Variants in OSBPL8 observed in about 807,000 individuals in gnomAD.
The protein encoded by OSBPL8 is oxysterol binding protein like 8.
OSBPL8 carries 59 observed loss-of-function variants against 125.5 expected under a neutral mutation model. That is an observed-to-expected ratio of 0.47 (90% CI 0.38 to 0.58). The LOEUF is 0.58. Among genes scored for constraint, OSBPL8 ranks in the 20% least tolerant of loss-of-function variants. OSBPL8 has a pLI of 0.00. For synonymous variants in OSBPL8, 330 were observed against 338.9 expected (o/e 0.97, Z 0.29); for missense variants, 758 against 1,047.8 (o/e 0.72, Z 3.82).
At chr12:76,459,257 A>G (rs774931139) in intron 3 of OSBPL8, among the ~76,000 whole-genome samples, 43 of 152,164 alleles carry the variant, frequency 2.8e-4, no homozygotes, top group Non-Finnish European at 5.7e-4. Flanking sequence ...CTAGACTATA[A>G]AAATTTTTAG....
At chr12:76,544,815 GAACATGT>G (rs1048755538) in intron 1 of OSBPL8, among the ~76,000 whole-genome samples, 1 of 151,126 alleles carries the variant, frequency 6.6e-6, no homozygotes, top group African/African-American at 2.4e-5. Flanking sequence ...CAACATGACT[GAACATGT>G]TACTTAAACA....
At position 76,407,233 on chromosome 12, in the gene OSBPL8, G is replaced by A. The variant is rs564538603; in HGVS notation, c.288+3331C>T. 2.0e-4 allele frequency among the ~76,000 whole-genome samples: 31 copies of A among 152,232 alleles called. No homozygotes were observed. In the South Asian group the frequency reaches 4.6e-3, roughly 22 times the overall value. On this transcript the variant is annotated intron_variant, in intron 5 of 23. Coordinates refer to ENST00000261183, the MANE Select transcript of OSBPL8 (RefSeq NM_020841.5). ...ACTGTTCTGAAAAACAAGAGAGTTG[G>A]TTGCATGCTCATATATATACACAAA...
At chr12:76,378,411 A>G in intron 16 of OSBPL8, 41 bp downstream of exon 16, 1 of 1,333,040 alleles carries the variant, frequency 7.5e-7, no homozygotes, top group Admixed American at 2.2e-5. Context: ...TTTACTTAAA[A>G]GGAAAGCTTA....
At chr12:76,518,940 C>T (rs1367636788) in intron 1 of OSBPL8, among the ~76,000 whole-genome samples, 2 of 152,184 alleles carry the variant, frequency 1.3e-5, no homozygotes, top group African/African-American at 4.8e-5. Flanking sequence ...AAAAGGCTTT[C>T]AAGGTCTTTT....
intron 1 of OSBPL8, among the ~76,000 whole-genome samples, chr12:76,523,696 G>C (rs1950084333): frequency 6.6e-6 from 1 of 152,164 alleles, no homozygotes; most frequent in African/African-American, 2.4e-5. Flanking sequence ...AAGCCAGGAA[G>C]ACAGCCCTCA....
intron 2 of OSBPL8, among the ~76,000 whole-genome samples, chr12:76,469,417 T>C (rs61925504): frequency 0.2 from 31,017 of 152,108 alleles, 3,409 homozygotes; most frequent in Non-Finnish European, 0.26. Flanking sequence ...TCAGGTCGGA[T>C]TGCAGGGGAG....
chr12:76,557,525 G>A (rs1951142471), intron 1 of OSBPL8, among the ~76,000 whole-genome samples: 1 of 149,616 alleles, frequency 6.7e-6, no homozygotes, highest in Admixed American at 6.7e-5. Flanking sequence ...TGAAGCATAA[G>A]AATCTCTTGA....
intron 2 of OSBPL8, among the ~76,000 whole-genome samples, chr12:76,468,240 C>T (rs1310223981): frequency 6.6e-6 from 1 of 151,950 alleles, no homozygotes; most frequent in Non-Finnish European, 1.5e-5. Context: ...CTGGTGGCAC[C>T]CTATTCTTTT....
At chr12:76,356,820 T>C in intron 22 of OSBPL8, 92 bp from the exon 23 acceptor site, 2 of 812,044 alleles carry the variant, frequency 2.5e-6, no homozygotes, top group East Asian at 2.6e-5. Context: ...TCCTGGGCAT[T>C]TGTTTTTGTA....
chr12:76,456,555 C>G (rs1359927061), intron 3 of OSBPL8, among the ~76,000 whole-genome samples: 3 of 151,888 alleles, frequency 2.0e-5, no homozygotes, highest in Non-Finnish European at 4.4e-5. Context: ...GAGGCTGAGG[C>G]AGCCCAGGTT....
chr12:76,432,738 G>A (rs1870992955), intron 4 of OSBPL8, among the ~76,000 whole-genome samples: 1 of 151,866 alleles, frequency 6.6e-6, no homozygotes, highest in Non-Finnish European at 1.5e-5. Flanking sequence ...ATACAAAAAG[G>A]AGTTTTTTGA....
In OSBPL8 at chr12:76,450,380, T is replaced by C. The variant is rs535480082; in HGVS notation, c.217+471A>G. ...ATTACCAACCTTCTCAATCAACTTT[T>C]TGGGGAGTAGAGGGAAAGAAAACAC... On this transcript the variant is annotated intron_variant, in intron 4 of 23. Transcript: ENST00000261183. Among the ~76,000 whole-genome samples, 259 of 152,324 alleles carry C rather than the reference T, an allele frequency of 1.7e-3. 1 individual carries two copies. Among genetic ancestry groups the C allele is most frequent in the African/African-American group, 6.1e-3 (252 of 41,570 alleles).
intron 7 of OSBPL8, among the ~76,000 whole-genome samples, chr12:76,399,641 G>A (rs1306837537): frequency 1.3e-5 from 2 of 152,096 alleles, no homozygotes; most frequent in Admixed American, 1.3e-4. Flanking sequence ...TTTTTTAAAA[G>A]AACTATACTG....
At chr12:76,365,078 C>T (rs1952365164) in intron 21 of OSBPL8, among the ~76,000 whole-genome samples, 1 of 152,116 alleles carries the variant, frequency 6.6e-6, no homozygotes, top group African/African-American at 2.4e-5. Context: ...ATCTCAGCTT[C>T]CCGAGTAGCT....
At chr12:76,507,748 C>T (rs1880554642) in intron 1 of OSBPL8, among the ~76,000 whole-genome samples, 1 of 151,106 alleles carries the variant, frequency 6.6e-6, no homozygotes, top group East Asian at 1.9e-4. Flanking sequence ...CACTTGAACC[C>T]AGGAGGCAGA....
chr12:76,472,032 C>G (rs1876197996), intron 2 of OSBPL8, among the ~76,000 whole-genome samples: 1 of 152,204 alleles, frequency 6.6e-6, no homozygotes, highest in Non-Finnish European at 1.5e-5. Context: ...ACAATGTTAT[C>G]TCATCCAGTA....
chr12:76,443,570 G>A (rs777781514), intron 4 of OSBPL8, among the ~76,000 whole-genome samples: 2 of 152,010 alleles, frequency 1.3e-5, no homozygotes, highest in Non-Finnish European at 2.9e-5. Context: ...GTGCAGTGGC[G>A]CGATCTTGGC....
intron 1 of OSBPL8, among the ~76,000 whole-genome samples, chr12:76,553,678 G>C (rs1426937030): frequency 7.4e-6 from 1 of 134,586 alleles, no homozygotes; most frequent in African/African-American, 2.8e-5. Flanking sequence ...CCCTGTATCA[G>C]AAGAAAAAAA....
chr12:76,540,363 C>A (rs551638784), intron 1 of OSBPL8, among the ~76,000 whole-genome samples: 1 of 152,060 alleles, frequency 6.6e-6, no homozygotes, highest in African/African-American at 2.4e-5. Context: ...ATAAAATACA[C>A]GCAATCAATG....
Sources: gnomAD v4.1 joint callset for allele counts (sites outside exome capture counted in the v4.1 genomes callset) on GRCh38, gnomAD v4.1.1 for gene constraint, MANE v1.5 for transcripts, NCBI Gene and HGNC (gene_info 2026-07-23, HGNC 2026-07-21) for gene names.